SLC10A7: variants seen among roughly 807,000 people sequenced by gnomAD.
SLC10A7 encodes the protein sodium/bile acid cotransporter 7.
In SLC10A7, 29 loss-of-function variants were observed where a neutral mutation model predicts 43.2. The ratio of observed to expected loss-of-function variants is 0.67; its 90% CI spans 0.50 to 0.92. The LOEUF is 0.92. SLC10A7 is among the 40% of genes least tolerant of loss of function. The probability of loss-of-function intolerance (pLI) is 0.00; values close to 1 mark genes in which losing one functional copy is unlikely to be tolerated. For synonymous variants in SLC10A7, 152 were observed against 144.8 expected, an observed-to-expected ratio of 1.05 and a Z score of -0.35; for missense variants, 295 against 403.2, an observed-to-expected ratio of 0.73 and a Z score of 2.30.
chr4:146,490,501 CTGTT>C (rs978628943), intron 4 of SLC10A7, among the ~76,000 whole-genome samples: 6 of 152,080 alleles, frequency 3.9e-5, no homozygotes, highest in African/African-American at 1.4e-4. Context: ...GTTTCCCAGG[CTGTT>C]TGTCAGAGTT....
chr4:146,476,141 C>A (rs1170521618), intron 4 of SLC10A7, among the ~76,000 whole-genome samples: 1 of 151,960 alleles, frequency 6.6e-6, no homozygotes, highest in Non-Finnish European at 1.5e-5. Flanking sequence ...GAGGAGGAGG[C>A]AATGTAAAAA....
At position 146,502,484 on chromosome 4, in the gene SLC10A7, G is replaced by A. The variant is rs112169940; in HGVS notation, c.396+1365C>T. ...ATTCTTCCTTGATTAAAAGGTACTA[G>A]AACTTACACCTACTGGATGATATAC... On this transcript the variant is annotated intron_variant, in intron 4 of 11. Coordinates refer to ENST00000335472, the MANE Select transcript of SLC10A7 (RefSeq NM_001029998.6). 2.7e-3 allele frequency among the ~76,000 whole-genome samples: 412 copies of A among 152,156 alleles called. 4 individuals are homozygous for A. The highest frequency in any genetic ancestry group is 9.7e-3 in the African/African-American group (403 of 41,502).
chr4:146,356,578 C>G (rs796674362), intron 5 of SLC10A7, among the ~76,000 whole-genome samples: 48 of 151,182 alleles, frequency 3.2e-4, no homozygotes, highest in African/African-American at 6.1e-4. Flanking sequence ...CAGACAGACA[C>G]ACACACACAC....
intron 4 of SLC10A7, among the ~76,000 whole-genome samples, chr4:146,456,825 A>C (rs543019148): frequency 1.3e-5 from 2 of 151,950 alleles, no homozygotes; most frequent in South Asian, 4.2e-4. Flanking sequence ...TTCTAATCAC[A>C]TGCTTGGTCT....
At chr4:146,360,924 A>G (rs1189457189) in intron 5 of SLC10A7, among the ~76,000 whole-genome samples, 2 of 152,120 alleles carry the variant, frequency 1.3e-5, no homozygotes, top group South Asian at 2.1e-4. Flanking sequence ...CGGCTCACCT[A>G]TAAGTTCAAT....
At position 146,323,406 on chromosome 4, in the gene SLC10A7, C is replaced by T. The variant is rs139844112; in HGVS notation, c.471+2555G>A. 2.7e-3 allele frequency among the ~76,000 whole-genome samples: 415 copies of T among 152,042 alleles called. 8 individuals carry two copies. Among genetic ancestry groups the T allele is most frequent in the Middle Eastern group, 3.4e-3 (1 of 294 alleles). ...TCCATCTTGAATTAATTATTGTATACGGTGTAAGGAAGGGATCCAGTTTCA... is the reference window on the plus strand; with the variant it reads ...TCCATCTTGAATTAATTATTGTATATGGTGTAAGGAAGGGATCCAGTTTCA... On this transcript the variant is annotated intron_variant, in intron 6 of 11. Coordinates refer to ENST00000335472, the MANE Select transcript of SLC10A7 (RefSeq NM_001029998.6).
At chr4:146,404,809 A>C (rs1316369879) in intron 5 of SLC10A7, among the ~76,000 whole-genome samples, 1 of 152,124 alleles carries the variant, frequency 6.6e-6, no homozygotes, top group Non-Finnish European at 1.5e-5. Flanking sequence ...TGGATATAAA[A>C]GCACTTCCCT....
At chr4:146,439,480 A>G (rs1730441889) in intron 5 of SLC10A7, among the ~76,000 whole-genome samples, 1 of 152,104 alleles carries the variant, frequency 6.6e-6, no homozygotes, top group Non-Finnish European at 1.5e-5. Context: ...ATGGTCACTC[A>G]TAATCAGAGA....
chr4:146,405,561 A>G (rs2149822874), intron 5 of SLC10A7, among the ~76,000 whole-genome samples: 1 of 152,312 alleles, frequency 6.6e-6, no homozygotes, highest in East Asian at 1.9e-4. Flanking sequence ...ATTTAAACAC[A>G]CACATCTAAA....
intron 4 of SLC10A7, among the ~76,000 whole-genome samples, chr4:146,446,621 C>T (rs906421171): frequency 6.6e-6 from 1 of 151,510 alleles, no homozygotes; most frequent in African/African-American, 2.4e-5. Context: ...TTACATGCCT[C>T]TCTCCGCTGG....
At chr4:146,449,643 G>A (rs1731407317) in intron 4 of SLC10A7, among the ~76,000 whole-genome samples, 1 of 151,844 alleles carries the variant, frequency 6.6e-6, no homozygotes, top group African/African-American at 2.4e-5. Context: ...AAGGTGAGAA[G>A]CTTTAAAAAA....
At chr4:146,409,542 A>C (rs1250542186) in intron 5 of SLC10A7, among the ~76,000 whole-genome samples, 2 of 152,178 alleles carry the variant, frequency 1.3e-5, no homozygotes, top group Non-Finnish European at 2.9e-5. Flanking sequence ...TCTTGATTAT[A>C]GTGGTCATTA....
At chr4:146,473,444 T>C (rs1733762184) in intron 4 of SLC10A7, among the ~76,000 whole-genome samples, 1 of 152,174 alleles carries the variant, frequency 6.6e-6, no homozygotes, top group Non-Finnish European at 1.5e-5. Flanking sequence ...AGCTGAAGGG[T>C]ATATTCCACT....
intron 4 of SLC10A7, among the ~76,000 whole-genome samples, chr4:146,500,427 A>C (rs1444105901): frequency 6.6e-6 from 1 of 151,906 alleles, no homozygotes; most frequent in Non-Finnish European, 1.5e-5. Context: ...GAAAATAAAA[A>C]CCATTAAAAG....
intron 10 of SLC10A7, among the ~76,000 whole-genome samples, chr4:146,276,875 G>A (rs141896123): frequency 6.6e-6 from 1 of 152,166 alleles, no homozygotes; most frequent in African/African-American, 2.4e-5. Context: ...GATGGTTGGA[G>A]CCCAGGAGTT....
chr4:146,521,584 G>T (rs1476409070), intron 1 of SLC10A7, 34 bp downstream of exon 1: 2 of 1,568,844 alleles, frequency 1.3e-6, no homozygotes, highest in Admixed American at 1.7e-5. Flanking sequence ...TGAAGTGGGA[G>T]CCGCGGTGGA....
At chr4:146,471,919 T>A (rs1251090622) in intron 4 of SLC10A7, among the ~76,000 whole-genome samples, 3 of 152,176 alleles carry the variant, frequency 2.0e-5, no homozygotes, top group African/African-American at 7.2e-5. Flanking sequence ...CCATCACTTA[T>A]ATCAAATTCA....
chr4:146,356,912 A>T (rs1430776068), intron 5 of SLC10A7, among the ~76,000 whole-genome samples: 1 of 152,180 alleles, frequency 6.6e-6, no homozygotes, highest in African/African-American at 2.4e-5. Context: ...ACCTGGATTA[A>T]TTTCAAATAC....
intron 5 of SLC10A7, among the ~76,000 whole-genome samples, chr4:146,355,384 AAAC>A (rs1172046292): frequency 2.0e-5 from 3 of 152,166 alleles, no homozygotes; most frequent in African/African-American, 7.2e-5. Context: ...AAAAGTCAGG[AAAC>A]AACAGGTACT....
Sources: gnomAD v4.1 joint callset for allele counts (sites outside exome capture counted in the v4.1 genomes callset) on GRCh38, gnomAD v4.1.1 for gene constraint, MANE v1.5 for transcripts, NCBI Gene and HGNC (gene_info 2026-07-23, HGNC 2026-07-21) for gene names.